The following FOXP2 variants were observed in gnomAD, a reference collection of about 807,000 sequenced individuals.
FOXP2 encodes forkhead box P2.
FOXP2 carries 12 observed loss-of-function variants against 115.8 expected under a neutral mutation model. That is an observed-to-expected ratio of 0.10 (90% CI 0.07 to 0.17). The LOEUF (loss-of-function observed/expected upper bound fraction) is 0.17. FOXP2 is among the 10% of genes least tolerant of loss of function. FOXP2 has a pLI of 1.00. For synonymous variants in FOXP2, 328 were observed against 297.7 expected (o/e 1.10, Z -1.05); for missense variants, 629 against 843.5 (o/e 0.75, Z 3.15).
intron 2 of FOXP2, 42 bp downstream of exon 2, chr7:114,426,721 C>A (rs1380013737): frequency 6.3e-7 from 1 of 1,587,478 alleles, no homozygotes; most frequent in Admixed American, 1.7e-5. Flanking sequence ...AACAAATAAG[C>A]TTGTTTTATT....
chr7:114,343,259 T>G (rs1791258585), intron 2 of FOXP2, among the ~76,000 whole-genome samples: 1 of 151,636 alleles, frequency 6.6e-6, no homozygotes, highest in African/African-American at 2.4e-5. Flanking sequence ...GTTGTTGATG[T>G]AAATTTTGCT....
intron 1 of FOXP2, among the ~76,000 whole-genome samples, chr7:114,425,413 G>T (rs1357601000): frequency 6.6e-6 from 1 of 151,508 alleles, no homozygotes; most frequent in African/African-American, 2.4e-5. Context: ...AGGTCTTTGA[G>T]AGCCAAAAAT....
intron 2 of FOXP2, among the ~76,000 whole-genome samples, chr7:114,436,501 T>A (rs1210700555): frequency 6.6e-6 from 1 of 151,244 alleles, no homozygotes; most frequent in African/African-American, 2.4e-5. Flanking sequence ...ATTATTGATA[T>A]AAAATTCTTA....
At chr7:114,367,368 C>T (rs1021706414) in intron 2 of FOXP2, among the ~76,000 whole-genome samples, 3 of 152,058 alleles carry the variant, frequency 2.0e-5, no homozygotes, top group African/African-American at 7.2e-5. Flanking sequence ...TTGAAAATAC[C>T]AGTTTGAGAC....
intron 1 of FOXP2, among the ~76,000 whole-genome samples, chr7:114,243,185 C>A (rs1470969784): frequency 6.8e-6 from 1 of 147,616 alleles, no homozygotes; most frequent in Admixed American, 6.8e-5. Context: ...AGGCTTTGGT[C>A]ATGACTCATC....
chr7:114,125,418 T>TAA, intron 1 of FOXP2, among the ~76,000 whole-genome samples: 1 of 152,258 alleles, frequency 6.6e-6, no homozygotes, highest in East Asian at 1.9e-4. Context: ...GCTATATACT[T>TAA]AAGTGGAGTG....
In FOXP2 at chr7:114,355,290, T is replaced by C. The variant is rs962834301; in HGVS notation, c.-11+67181T>C. Among the ~76,000 whole-genome samples the C allele has an allele frequency of 2.0e-5, 3 of 152,268 alleles. No homozygotes were observed. In the East Asian group the frequency reaches 5.8e-4, roughly 29 times the overall value. On this transcript the variant is annotated intron_variant, in intron 2 of 17. Coordinates refer to the FOXP2 transcript ENST00000634411. ...TTGGCCTCCACAGGTGATTCAAATC[T>C]GGAATGAGATCAAACTTGGCTCTCA... is the stretch of plus-strand genomic sequence containing the variant.
intron 2 of FOXP2, among the ~76,000 whole-genome samples, chr7:114,318,379 GTTTTT>G (rs201941261): frequency 1.3e-4 from 15 of 116,802 alleles, no homozygotes; most frequent in African/African-American, 4.4e-4. Flanking sequence ...GTCTCTCTTT[GTTTTT>G]TTTTTTTTTT....
upstream of FOXP2, among the ~76,000 whole-genome samples, chr7:114,410,047 TA>T (rs895934188): frequency 1.3e-5 from 2 of 152,020 alleles, no homozygotes; most frequent in Non-Finnish European, 2.9e-5. Context: ...TATTTCCTCT[TA>T]AAAAAATCCT....
chr7:114,577,617 T>C (rs1235725045), intron 3 of FOXP2, among the ~76,000 whole-genome samples: 1 of 151,960 alleles, frequency 6.6e-6, no homozygotes, highest in African/African-American at 2.4e-5. Flanking sequence ...AAGTCATGAT[T>C]TCTTTCCCAC....
chr7:114,464,541 G>A (rs1795722444), intron 2 of FOXP2, among the ~76,000 whole-genome samples: 1 of 152,188 alleles, frequency 6.6e-6, no homozygotes, highest in African/African-American at 2.4e-5. Flanking sequence ...TAATGTAGTT[G>A]GGTAGATCAT....
In FOXP2 at chr7:114,501,385, C is replaced by A. The variant is rs567100281; in HGVS notation, c.169-33232C>A. 5.5e-4 allele frequency among the ~76,000 whole-genome samples: 84 copies of A among 152,256 alleles called. 1 individual carries two copies. The Middle Eastern group carries it at 0.014, about 25-fold the overall frequency. ...CTCACCTAAGCTGTGCACATCATTT[C>A]TTAATCAAAATCACTGGGATAGTGC... On this transcript the variant is annotated intron_variant, in intron 2 of 16. Coordinates refer to ENST00000350908, the MANE Select transcript of FOXP2 (RefSeq NM_014491.4).
At chr7:114,232,630 A>G (rs1482699937) in intron 1 of FOXP2, among the ~76,000 whole-genome samples, 1 of 152,100 alleles carries the variant, frequency 6.6e-6, no homozygotes, top group Non-Finnish European at 1.5e-5. Context: ...CCTGACCAAC[A>G]TGGAGAAACC....
chr7:114,211,046 C>G (rs955547646), intron 1 of FOXP2, among the ~76,000 whole-genome samples: 1 of 152,202 alleles, frequency 6.6e-6, no homozygotes, highest in Non-Finnish European at 1.5e-5. Context: ...CCACTCCTCC[C>G]TCTGGGAACT....
intron 10 of FOXP2, among the ~76,000 whole-genome samples, chr7:114,657,626 G>A (rs1282755194): frequency 2.0e-5 from 3 of 151,844 alleles, no homozygotes; most frequent in Non-Finnish European, 2.9e-5. Flanking sequence ...TGAGATTTGG[G>A]ACTACGAAAA....
rs543254104 is a variant in FOXP2 at position 114,199,981 on chromosome 7, A to G, written c.-102+36893A>G. ...TTATAAGTAAAACACTATAGAAGGT[A>G]TTTTACTTTCATCATATCCTGCCTT... is the stretch of plus-strand genomic sequence containing the variant. On this transcript the variant is annotated intron_variant, in intron 1 of 17. Coordinates refer to the FOXP2 transcript ENST00000634411. 5.9e-5 allele frequency among the ~76,000 whole-genome samples: 9 copies of G among 152,308 alleles called. No individual in the cohort carries two copies. The South Asian group carries it at 1.7e-3, about 28-fold the overall frequency.
chr7:114,525,893 C>G (rs1030481328), intron 2 of FOXP2, among the ~76,000 whole-genome samples: 1 of 152,040 alleles, frequency 6.6e-6, no homozygotes, highest in African/African-American at 2.4e-5. Context: ...GGGCAGATCA[C>G]TTGAGGTCAG....
At chr7:114,155,894 T>A (rs1792654032) in intron 1 of FOXP2, among the ~76,000 whole-genome samples, 1 of 152,136 alleles carries the variant, frequency 6.6e-6, no homozygotes, top group Non-Finnish European at 1.5e-5. Context: ...TATGTCAGCA[T>A]GTTTCTGGGG....
chr7:114,596,686 A>G (rs1403549762), intron 3 of FOXP2, among the ~76,000 whole-genome samples: 2 of 152,104 alleles, frequency 1.3e-5, no homozygotes, highest in Non-Finnish European at 2.9e-5. Context: ...TCTTCTTGCC[A>G]TTAATAAAAG....
Sources: allele counts gnomAD v4.1 joint callset (sites outside exome capture counted in the v4.1 genomes callset), GRCh38; gene constraint gnomAD v4.1.1; transcripts MANE v1.5; gene names NCBI Gene and HGNC (gene_info 2026-07-23, HGNC 2026-07-21).